Variants in ALK observed in about 807,000 individuals in gnomAD.
ALK encodes ALK receptor tyrosine kinase.
In ALK, 74 loss-of-function variants were observed where a neutral mutation model predicts 163.1. That is an observed-to-expected ratio of 0.45 (90% CI 0.38 to 0.55). The LOEUF is 0.55. ALK is among the 20% of genes least tolerant of loss of function. The pLI, the probability that ALK is intolerant of heterozygous loss-of-function variation, is 0.00. For missense variants in ALK, 2,063 were observed against 2,105.3 expected, an observed-to-expected ratio of 0.98 and a Z score of 0.39; for synonymous variants, 960 against 843.2, an observed-to-expected ratio of 1.14 and a Z score of -2.40.
chr2:29,407,551 C>T (rs550535527), intron 4 of ALK, among the ~76,000 whole-genome samples: 5 of 152,374 alleles, frequency 3.3e-5, no homozygotes, highest in African/African-American at 9.6e-5. Flanking sequence ...TTCAAAACCA[C>T]TGCTCTTAAC....
chr2:29,454,985 T>C (rs1396677407), intron 4 of ALK, among the ~76,000 whole-genome samples: 1 of 152,212 alleles, frequency 6.6e-6, no homozygotes, highest in East Asian at 1.9e-4. Flanking sequence ...TCACTGGCCC[T>C]AATTTACACA....
At chr2:29,727,126 C>A (rs1164244580) in intron 1 of ALK, among the ~76,000 whole-genome samples, 1 of 152,244 alleles carries the variant, frequency 6.6e-6, no homozygotes, top group Non-Finnish European at 1.5e-5. Context: ...TCCATCAGGG[C>A]AGCTGGCTCT....
chr2:29,202,948 ATG>A (rs1553389702), intron 26 of ALK, among the ~76,000 whole-genome samples: 1 of 152,108 alleles, frequency 6.6e-6, no homozygotes, highest in Non-Finnish European at 1.5e-5. Flanking sequence ...AGGTCACAGG[ATG>A]TGTGTGTGTT....
chr2:29,841,188 C>A (rs1665688464), intron 1 of ALK, among the ~76,000 whole-genome samples: 1 of 152,022 alleles, frequency 6.6e-6, no homozygotes, highest in South Asian at 2.1e-4. Flanking sequence ...CCTAACATTA[C>A]CCCCATCATT....
intron 1 of ALK, among the ~76,000 whole-genome samples, chr2:29,835,248 T>C (rs1322903930): frequency 2.0e-5 from 3 of 152,202 alleles, no homozygotes; most frequent in Non-Finnish European, 4.4e-5. Flanking sequence ...GTAAACGTTT[T>C]GGGGTAAAAT....
At chr2:29,662,921 T>A (rs372828108) in intron 3 of ALK, among the ~76,000 whole-genome samples, 2 of 152,174 alleles carry the variant, frequency 1.3e-5, no homozygotes, top group Admixed American at 6.5e-5. Flanking sequence ...TTTACTGCTA[T>A]GTATTGCTCT....
chr2:29,785,572 A>G (rs1211507667), intron 1 of ALK, among the ~76,000 whole-genome samples: 1 of 152,198 alleles, frequency 6.6e-6, no homozygotes, highest in African/African-American at 2.4e-5. Context: ...TTGCATTAAC[A>G]GAGGTGAGTT....
chr2:29,248,313 T>C (rs1469047952), intron 12 of ALK, among the ~76,000 whole-genome samples: 3 of 152,158 alleles, frequency 2.0e-5, no homozygotes, highest in African/African-American at 7.2e-5. Flanking sequence ...CCGTCTCTAC[T>C]AAAAATACAA....
chr2:29,219,122 C>G (rs1669715831), intron 23 of ALK, among the ~76,000 whole-genome samples: 3 of 152,148 alleles, frequency 2.0e-5, no homozygotes, highest in Admixed American at 2.0e-4. Flanking sequence ...GGGGAGAGAC[C>G]TGCATTGTCT....
In ALK at chr2:29,193,575, G is replaced by A. The variant is rs527638667; in HGVS notation, c.4512C>T (p.Asn1504=). ...CTGTAAACCAGGAGCCGTACGTTGG[G>A]TTCCACAAGCTGGTGGGCTTGTTTC... ...GSRNKPTSLW[N]PTYGSWFTEK... Residue 1504 remains asparagine, a synonymous_variant, in exon 29 of 29, where the codon AAC becomes AAT. Coordinates refer to ENST00000389048, the MANE Select transcript of ALK (RefSeq NM_004304.5). The A allele has an allele frequency of 1.9e-5, 31 of 1,614,220 alleles. 1 individual carries two copies. The South Asian group carries it at 3.3e-4, about 17-fold the overall frequency.
intron 1 of ALK, among the ~76,000 whole-genome samples, chr2:29,792,367 G>A (rs1664209565): frequency 6.6e-6 from 1 of 152,116 alleles, no homozygotes; most frequent in Non-Finnish European, 1.5e-5. Context: ...CTCAGTTTCA[G>A]GGGGAGGGTA....
chr2:29,475,082 C>T (rs1671475703), intron 4 of ALK, among the ~76,000 whole-genome samples: 1 of 152,142 alleles, frequency 6.6e-6, no homozygotes, highest in African/African-American at 2.4e-5. Flanking sequence ...ACTCATCTTC[C>T]CTATGAGTCT....
At chr2:29,881,540 G>T (rs1262349307) in intron 1 of ALK, among the ~76,000 whole-genome samples, 1 of 152,148 alleles carries the variant, frequency 6.6e-6, no homozygotes, top group South Asian at 2.1e-4. Flanking sequence ...TGTGGGGCGG[G>T]CCCTCCTGCC....
intron 1 of ALK, among the ~76,000 whole-genome samples, chr2:29,767,408 T>C (rs1361135741): frequency 6.6e-6 from 1 of 152,192 alleles, no homozygotes; most frequent in African/African-American, 2.4e-5. Context: ...CCCAGGACCG[T>C]TGTGATTTTA....
At position 29,328,385 on chromosome 2, in the gene ALK, T is replaced by C. The variant is rs149198543; in HGVS notation, c.1379A>G (p.Asp460Gly). ...GCTCTCATCTTCTCCCTGGGCACAG[T>C]CCTGGTGGAAGTCACAGGCCTGCCC... ...QLGQACDFHQ[D>G]CAQGEDESQM... The change falls in exon 6 of 29, where the codon GAC becomes GGC. Residue 460 changes from aspartate to glycine, a missense_variant. Coordinates refer to ENST00000389048, the MANE Select transcript of ALK (RefSeq NM_004304.5). The C allele has an allele frequency of 1.9e-6, 3 of 1,614,024 alleles. No individual in the cohort carries two copies. The highest frequency in any genetic ancestry group is 2.7e-5 in the African/African-American group (2 of 74,908).
In ALK at chr2:29,919,998, C is replaced by T. The variant is rs1667944325; in HGVS notation, c.662G>A (p.Gly221Glu). The change falls in exon 1 of 29, where the codon GGG (glycine) becomes GAG (glutamate). Residue 221 changes from glycine to glutamate, a missense_variant. This residue lies in a region of ALK where 987 missense variants were observed against 939.5 expected (regional missense o/e 1.05). Coordinates refer to ENST00000389048, the MANE Select transcript of ALK (RefSeq NM_004304.5). ...CTCAGGCGGGAGCTGCTCACCAGTC[C>T]CGAAGATCTGGAAGAGAAGGCGGGG... is the stretch of plus-strand genomic sequence containing the variant. ...SQPRLLFQIF[G>E]TGHSSLESPT... The T allele has an allele frequency of 1.2e-6, 2 of 1,613,746 alleles. No individual in the cohort carries two copies. The highest frequency in any genetic ancestry group is 8.5e-7 in the Non-Finnish European group (1 of 1,179,762).
chr2:29,207,056 T>G, intron 26 of ALK, 115 bp downstream of exon 26: 1 of 799,434 alleles, frequency 1.3e-6, no homozygotes, highest in East Asian at 2.5e-5. Context: ...GTATTGATTC[T>G]TCTCTTTTCC....
At chr2:29,730,870 A>C (rs1679723829) in intron 1 of ALK, among the ~76,000 whole-genome samples, 1 of 152,158 alleles carries the variant, frequency 6.6e-6, no homozygotes, top group Non-Finnish European at 1.5e-5. Flanking sequence ...CTACTGGAGA[A>C]GGAAGCTCTG....
rs1668960891 is a variant in ALK at position 29,383,722 on chromosome 2, A to C, written c.1282+10T>G. ...CTACCAAGGAGCGTGGGAAAGCCAG[A>C]TTCAGATACCTTCACTGCAGTTCTT... On this transcript the variant is annotated intron_variant, in intron 5 of 28. Coordinates refer to ENST00000389048, the MANE Select transcript of ALK (RefSeq NM_004304.5). The C allele has an allele frequency of 6.2e-7, 1 of 1,613,964 alleles. No homozygotes were observed. The highest frequency in any genetic ancestry group is 8.5e-7 in the Non-Finnish European group (1 of 1,179,976).
Sources: allele counts gnomAD v4.1 joint callset (sites outside exome capture counted in the v4.1 genomes callset), GRCh38; gene constraint gnomAD v4.1.1; regional missense constraint gnomAD v4.1.1; transcripts MANE v1.5; gene names NCBI Gene and HGNC (gene_info 2026-07-23, HGNC 2026-07-21).